The following DEPDC1B variants were observed in gnomAD, a reference collection of about 807,000 sequenced individuals.
DEPDC1B encodes DEP domain-containing protein 1B.
Under a neutral mutation model 66.5 loss-of-function variants are expected in DEPDC1B, and 51 were observed. That is an observed-to-expected ratio of 0.77 (90% confidence interval 0.61 to 0.97). DEPDC1B has a LOEUF of 0.97. Among genes scored for constraint, DEPDC1B ranks in the 50% least tolerant of loss-of-function variants. The probability of loss-of-function intolerance (pLI) is 0.00; values close to 1 mark genes in which losing one functional copy is unlikely to be tolerated. For missense variants in DEPDC1B, 552 were observed against 637.1 expected (o/e 0.87, Z 1.44); for synonymous variants, 226 against 223.6 (o/e 1.01, Z -0.10).
chr5:60,618,857 A>G (rs1233125890), intron 7 of DEPDC1B, among the ~76,000 whole-genome samples: 1 of 152,234 alleles, frequency 6.6e-6, no homozygotes, highest in Admixed American at 6.5e-5. Flanking sequence ...TTACACTAAT[A>G]TCCCTGATGT....
Position 60,625,982 on chromosome 5 carries a change from T to C in DEPDC1B, c.898+12768A>G, listed in dbSNP as rs367880288. Among the ~76,000 whole-genome samples the C allele has an allele frequency of 4.6e-4, 70 of 152,304 alleles. No individual in the cohort carries two copies. In the South Asian group the frequency reaches 0.014, roughly 31 times the overall value. Reference sequence around the variant, plus strand: ...TAACTCCTAAAGTCAAATTTAGTTATTTTTTCTTGCTTGTTCTTTTTTTTA... The same window carrying C: ...TAACTCCTAAAGTCAAATTTAGTTACTTTTTCTTGCTTGTTCTTTTTTTTA... On this transcript the variant is annotated intron_variant, in intron 7 of 10. Transcript: ENST00000265036.
chr5:60,692,843 A>G (rs557773983), intron 1 of DEPDC1B, among the ~76,000 whole-genome samples: 2 of 152,306 alleles, frequency 1.3e-5, no homozygotes, highest in Non-Finnish European at 1.5e-5. Context: ...ATGCCATAAC[A>G]TAAATGAATC....
intron 7 of DEPDC1B, among the ~76,000 whole-genome samples, chr5:60,621,210 G>A (rs971998081): frequency 2.6e-5 from 4 of 151,650 alleles, no homozygotes; most frequent in South Asian, 2.1e-4. Flanking sequence ...AATGGGTGCA[G>A]CACACCAACA....
chr5:60,650,481 C>T (rs531413576), intron 2 of DEPDC1B, among the ~76,000 whole-genome samples: 1 of 152,148 alleles, frequency 6.6e-6, no homozygotes, highest in Non-Finnish European at 1.5e-5. Flanking sequence ...GTTAGTAGCA[C>T]CCTACACACA....
intron 4 of DEPDC1B, 70 bp from the exon 5 acceptor site, chr5:60,644,945 C>CA (rs1022320234): frequency 2.5e-5 from 31 of 1,219,848 alleles, no homozygotes; most frequent in Admixed American, 1.1e-4. Flanking sequence ...CCTGGTACTA[C>CA]AAAAAATCAA....
chr5:60,615,922 C>T (rs572896629), intron 7 of DEPDC1B, among the ~76,000 whole-genome samples: 5 of 152,270 alleles, frequency 3.3e-5, no homozygotes, highest in Admixed American at 6.5e-5. Flanking sequence ...CTCACATGGC[C>T]GGGTACTCCT....
At chr5:60,610,450 T>C (rs1752392911) in intron 7 of DEPDC1B, among the ~76,000 whole-genome samples, 1 of 152,354 alleles carries the variant, frequency 6.6e-6, no homozygotes, top group Non-Finnish European at 1.5e-5. Flanking sequence ...TTTGGCTAGA[T>C]TTTCTTTAAA....
At chr5:60,690,285 C>T (rs987035066) in intron 1 of DEPDC1B, among the ~76,000 whole-genome samples, 19 of 151,864 alleles carry the variant, frequency 1.3e-4, no homozygotes, top group African/African-American at 4.4e-4. Flanking sequence ...GTGGAATAGC[C>T]ACAAAACAAA....
At chr5:60,685,833 A>T (rs1754399901) in intron 2 of DEPDC1B, among the ~76,000 whole-genome samples, 1 of 152,218 alleles carries the variant, frequency 6.6e-6, no homozygotes, top group Non-Finnish European at 1.5e-5. Flanking sequence ...TTAAGTACTA[A>T]GGTCTCAGAA....
intron 7 of DEPDC1B, 21 bp from the exon 8 acceptor site, chr5:60,605,877 T>C: frequency 6.4e-7 from 1 of 1,574,568 alleles, no homozygotes; most frequent in Admixed American, 1.8e-5. Flanking sequence ...AAAAAAAAAA[T>C]GTTATCTTTC....
chr5:60,667,681 GTA>G (rs1291916319), intron 2 of DEPDC1B, among the ~76,000 whole-genome samples: 4 of 131,452 alleles, frequency 3.0e-5, no homozygotes, highest in African/African-American at 5.8e-5. Context: ...TATTTTACAT[GTA>G]TATAATGGAT....
intron 2 of DEPDC1B, among the ~76,000 whole-genome samples, chr5:60,658,108 C>T (rs1031100155): frequency 6.6e-6 from 1 of 152,064 alleles, no homozygotes; most frequent in Non-Finnish European, 1.5e-5. Context: ...GTGTATTTTG[C>T]ATTTCTCTAA....
intron 2 of DEPDC1B, among the ~76,000 whole-genome samples, chr5:60,682,338 G>GGGAC (rs1754314070): frequency 6.6e-6 from 1 of 152,150 alleles, no homozygotes. Context: ...ACACAGGAAG[G>GGGAC]GGACCATCAC....
intron 7 of DEPDC1B, among the ~76,000 whole-genome samples, chr5:60,620,967 T>C (rs1752686810): frequency 6.6e-6 from 1 of 151,758 alleles, no homozygotes; most frequent in Non-Finnish European, 1.5e-5. Context: ...CCATGAAAAA[T>C]AATGAGTTCA....
intron 8 of DEPDC1B, among the ~76,000 whole-genome samples, chr5:60,604,924 G>T (rs754633936): frequency 1.3e-5 from 2 of 152,164 alleles, no homozygotes; most frequent in Non-Finnish European, 2.9e-5. Flanking sequence ...GTGCTCCTCT[G>T]ATCTCACTCT....
rs142473408 is a variant in DEPDC1B, at chr5:60,681,604, G to A, written c.314+5358C>T. On this transcript the variant is annotated intron_variant, in intron 2 of 10. Transcript: ENST00000265036. ...AGACATAAAAACAATGAAAAGGCAAGGAAACATGAAACCTCCAAAGAGACG... is the reference window on the plus strand; with the variant it reads ...AGACATAAAAACAATGAAAAGGCAAAGAAACATGAAACCTCCAAAGAGACG... 1.9e-3 allele frequency among the ~76,000 whole-genome samples: 292 copies of A among 152,126 alleles called. 1 individual carries two copies. Among genetic ancestry groups the A allele is most frequent in the African/African-American group, 6.7e-3 (278 of 41,494 alleles).
chr5:60,605,864 AG>A lies in DEPDC1B; in HGVS notation c.899-9del. 6.2e-7 allele frequency: 1 copy of A among 1,601,252 alleles called. No homozygotes were observed. The highest frequency in any genetic ancestry group is 1.1e-5 in the South Asian group (1 of 88,568). ...TCTCCTTCTGTAACAAACCTGATTT[AG>A]AAAAAAAAAAATGTTATCTTTCAAC... is the stretch of plus-strand genomic sequence containing the variant. On this transcript the variant is annotated splice_polypyrimidine_tract_variant and intron_variant, in intron 7 of 10. Transcript: ENST00000265036.
intron 2 of DEPDC1B, among the ~76,000 whole-genome samples, chr5:60,675,463 C>T (rs1754132627): frequency 6.6e-6 from 1 of 152,064 alleles, no homozygotes; most frequent in African/African-American, 2.4e-5. Flanking sequence ...TAGACACCCA[C>T]TAAACACTGC....
At chr5:60,673,105 C>T (rs938598372) in intron 2 of DEPDC1B, among the ~76,000 whole-genome samples, 2 of 152,062 alleles carry the variant, frequency 1.3e-5, no homozygotes, top group African/African-American at 4.8e-5. Context: ...ACTGGGTTCC[C>T]GCGCCCTTGA....
Sources: gnomAD v4.1 joint callset for allele counts (sites outside exome capture counted in the v4.1 genomes callset) on GRCh38, gnomAD v4.1.1 for gene constraint, MANE v1.5 for transcripts, NCBI Gene and HGNC (gene_info 2026-07-23, HGNC 2026-07-21) for gene names.